ZNF2: variants seen among roughly 807,000 people sequenced by gnomAD.
The protein encoded by ZNF2 is zinc finger protein 2.
In ZNF2, 12 loss-of-function variants were observed where a neutral mutation model predicts 21.9. The ratio of observed to expected loss-of-function variants is 0.55; its 90% confidence interval spans 0.35 to 0.89. The LOEUF is 0.89. Ranked by LOEUF, ZNF2 falls within the 40% of genes least tolerant of loss-of-function variation. The pLI, the probability that ZNF2 is intolerant of heterozygous loss-of-function variation, is 0.01. For synonymous variants in ZNF2, 186 were observed against 196.3 expected, an observed-to-expected ratio of 0.95 and a Z score of 0.44; for missense variants, 462 against 544.2, an observed-to-expected ratio of 0.85 and a Z score of 1.50.
In ZNF2 at chr2:95,176,262, G is replaced by C; in HGVS notation, c.33+3G>C. 1 of 1,614,202 alleles carries C rather than the reference G, an allele frequency of 6.2e-7. No homozygotes were observed. The highest frequency in any genetic ancestry group is 8.5e-7 in the Non-Finnish European group (1 of 1,180,038). Reference sequence around the variant, plus strand: ...TGTCTCCGACCACCAGATGCCAGGTGAGGTGGACTTTTGTGTTCCCGAAAT... The same window carrying C: ...TGTCTCCGACCACCAGATGCCAGGTCAGGTGGACTTTTGTGTTCCCGAAAT... On this transcript the variant is annotated splice_donor_region_variant and intron_variant, in intron 2 of 4. Transcript: ENST00000614034.
intron 1 of ZNF2, among the ~76,000 whole-genome samples, chr2:95,172,400 T>G (rs997585646): frequency 7.9e-5 from 12 of 152,174 alleles, no homozygotes; most frequent in African/African-American, 2.9e-4. Context: ...GCTGTGACTT[T>G]TCTGCACACC....
chr2:95,166,110 G>T (rs1410833787), intron 1 of ZNF2, among the ~76,000 whole-genome samples: 1 of 152,108 alleles, frequency 6.6e-6, no homozygotes, highest in Non-Finnish European at 1.5e-5. Context: ...TGGAGGTTTG[G>T]AGTCTTCCTC....
intron 3 of ZNF2, 77 bp downstream of exon 3, chr2:95,177,686 G>C (rs746506843): frequency 6.6e-7 from 1 of 1,511,980 alleles, no homozygotes; most frequent in East Asian, 2.4e-5. Flanking sequence ...AATTAATACC[G>C]TTCTCCTCCC....
At chr2:95,178,998 T>G (rs963149853) in intron 3 of ZNF2, among the ~76,000 whole-genome samples, 41 of 151,032 alleles carry the variant, frequency 2.7e-4, no homozygotes, top group South Asian at 2.1e-4. Flanking sequence ...TTTTTGTTTT[T>G]TTTTTTTTTT....
At chr2:95,166,185 T>G (rs572125461) in intron 1 of ZNF2, among the ~76,000 whole-genome samples, 1 of 151,596 alleles carries the variant, frequency 6.6e-6, no homozygotes, top group Non-Finnish European at 1.5e-5. Flanking sequence ...TGACACCAAA[T>G]CTAGGATGCT....
At chr2:95,174,559 T>C (rs545390710) in intron 1 of ZNF2, among the ~76,000 whole-genome samples, 9 of 152,342 alleles carry the variant, frequency 5.9e-5, no homozygotes, top group East Asian at 3.9e-4. Flanking sequence ...GAGGTTTTTT[T>C]CTCAAGATTT....
At chr2:95,175,567 C>T (rs1163268773) in intron 1 of ZNF2, among the ~76,000 whole-genome samples, 1 of 152,188 alleles carries the variant, frequency 6.6e-6, no homozygotes, top group Non-Finnish European at 1.5e-5. Context: ...ATCCTTTCAG[C>T]TCGTCACCCA....
intron 1 of ZNF2, among the ~76,000 whole-genome samples, chr2:95,167,362 C>G (rs547016555): frequency 6.6e-6 from 1 of 151,492 alleles, no homozygotes; most frequent in East Asian, 1.9e-4. Flanking sequence ...AAAAATTAGC[C>G]GGGCGTGGTG....
At chr2:95,175,264 C>T (rs1031046828) in intron 1 of ZNF2, among the ~76,000 whole-genome samples, 1 of 152,052 alleles carries the variant, frequency 6.6e-6, no homozygotes, top group African/African-American at 2.4e-5. Flanking sequence ...GCACAGAGCC[C>T]AAGAGAGTTA....
At chr2:95,171,382 CTTTT>C (rs753994075) in intron 1 of ZNF2, among the ~76,000 whole-genome samples, 3 of 141,284 alleles carry the variant, frequency 2.1e-5, no homozygotes, top group South Asian at 2.2e-4. Context: ...TCTTCTTCTT[CTTTT>C]TTTTTTTTTT....
chr2:95,169,206 A>C (rs1363812554), intron 1 of ZNF2, among the ~76,000 whole-genome samples: 3 of 152,204 alleles, frequency 2.0e-5, no homozygotes, highest in Non-Finnish European at 4.4e-5. Flanking sequence ...GGGAGTATCC[A>C]CTGGTTGTTT....
intron 2 of ZNF2, among the ~76,000 whole-genome samples, chr2:95,176,921 A>G (rs1256295826): frequency 0.011 from 1 of 94 alleles, no homozygotes; most frequent in East Asian, 0.25. Flanking sequence ...AGGATTTGTA[A>G]AAAAAAAAAG....
chr2:95,178,984 GT>G (rs997540572), intron 3 of ZNF2, among the ~76,000 whole-genome samples: 19 of 143,994 alleles, frequency 1.3e-4, no homozygotes, highest in African/African-American at 4.6e-4. Flanking sequence ...TCCAGGTTTG[GT>G]TTTTTTTGTT....
At position 95,180,275 on chromosome 2, in the gene ZNF2, A is replaced by G; in HGVS notation, c.274+3A>G. 6.3e-7 allele frequency: 1 copy of G among 1,598,824 alleles called. No individual in the cohort carries two copies. Among genetic ancestry groups the G allele is most frequent in the Non-Finnish European group, 8.6e-7 (1 of 1,166,578 alleles). On this transcript the variant is annotated splice_donor_region_variant and intron_variant, in intron 4 of 4. Coordinates refer to ENST00000614034, the MANE Select transcript of ZNF2 (RefSeq NM_021088.4). Reference sequence around the variant, plus strand: ...ATGGCCAGAGAGTGTCTCTCTAGGTAACTGAGTGTGAACAAGACAGAATGG... The same window carrying G: ...ATGGCCAGAGAGTGTCTCTCTAGGTGACTGAGTGTGAACAAGACAGAATGG...
Position 95,171,297 on chromosome 2 carries a change from G to A in ZNF2, c.-39-4891G>A, listed in dbSNP as rs554321641. On this transcript the variant is annotated intron_variant, in intron 1 of 4. Coordinates refer to ENST00000614034, the MANE Select transcript of ZNF2 (RefSeq NM_021088.4). ...CATGAACGGCATCGTTATCCATGCC[G>A]CATTGGTAACCCGGGCGTCATCTTT... is the stretch of plus-strand genomic sequence containing the variant. 4.1e-4 allele frequency among the ~76,000 whole-genome samples: 62 copies of A among 151,750 alleles called. 1 individual carries two copies. The highest frequency in any genetic ancestry group is 8.5e-4 in the Admixed American group (13 of 15,228).
intron 1 of ZNF2, among the ~76,000 whole-genome samples, chr2:95,170,004 G>A (rs905740785): frequency 2.6e-5 from 4 of 152,156 alleles, no homozygotes; most frequent in Admixed American, 6.5e-5. Flanking sequence ...AGGTAGCACC[G>A]GTAGGAAGAG....
At chr2:95,167,843 G>A (rs1346888981) in intron 1 of ZNF2, among the ~76,000 whole-genome samples, 4 of 142,878 alleles carry the variant, frequency 2.8e-5, no homozygotes, top group Admixed American at 7.1e-5. Flanking sequence ...GTGAAATTCC[G>A]TCTCAAAAAA....
intron 1 of ZNF2, among the ~76,000 whole-genome samples, chr2:95,171,288 A>G (rs1190068019): frequency 1.3e-5 from 2 of 151,982 alleles, no homozygotes; most frequent in African/African-American, 4.8e-5. Flanking sequence ...CGGCATCGTT[A>G]TCCATGCCGC....
intron 1 of ZNF2, among the ~76,000 whole-genome samples, chr2:95,170,309 G>T (rs1180719428): frequency 6.6e-6 from 1 of 152,158 alleles, no homozygotes; most frequent in African/African-American, 2.4e-5. Flanking sequence ...TAGGTTGGGG[G>T]TGTTTTTTGT....
Sources: gnomAD v4.1 joint callset for allele counts (sites outside exome capture counted in the v4.1 genomes callset) on GRCh38, gnomAD v4.1.1 for gene constraint, MANE v1.5 for transcripts, NCBI Gene and HGNC (gene_info 2026-07-23, HGNC 2026-07-21) for gene names.